Variants in EXTL3 observed in about 807,000 individuals in gnomAD.
EXTL3 encodes exostosin-like 3.
EXTL3 carries 27 observed loss-of-function variants against 69.3 expected under a neutral mutation model. The ratio of observed to expected loss-of-function variants is 0.39; its 90% CI spans 0.29 to 0.54. EXTL3 has a LOEUF of 0.54. Ranked by LOEUF, EXTL3 falls within the 20% of genes least tolerant of loss-of-function variation. The probability of loss-of-function intolerance (pLI) is 0.69; values close to 1 mark genes in which losing one functional copy is unlikely to be tolerated. For synonymous variants in EXTL3, 511 were observed against 499.4 expected (o/e 1.02, Z -0.31); for missense variants, 1,003 against 1,231.8 (o/e 0.81, Z 2.78).
intron 6 of EXTL3, among the ~76,000 whole-genome samples, chr8:28,747,728 C>CTTTT (rs71549697): frequency 4.8e-5 from 6 of 124,736 alleles, no homozygotes; most frequent in Non-Finnish European, 5.0e-5. Flanking sequence ...TTTTCTTTTT[C>CTTTT]TTTTTTTTTT....
chr8:28,718,428 G>C (rs1039780262), intron 3 of EXTL3, among the ~76,000 whole-genome samples: 6 of 152,062 alleles, frequency 3.9e-5, no homozygotes, highest in African/African-American at 1.2e-4. Flanking sequence ...CTAAATCGAG[G>C]ATCCCCAAAA....
intron 1 of EXTL3, among the ~76,000 whole-genome samples, chr8:28,702,565 A>T (rs887652663): frequency 1.9e-5 from 1 of 53,694 alleles, no homozygotes; most frequent in Non-Finnish European, 4.1e-5. Context: ...CTCCCCCGCC[A>T]CCCGCACCAC....
chr8:28,735,633 T>A (rs2130780505), intron 4 of EXTL3, among the ~76,000 whole-genome samples: 1 of 152,336 alleles, frequency 6.6e-6, no homozygotes, highest in Non-Finnish European at 1.5e-5. Context: ...ATCTAAAACC[T>A]TTCTCTTATT....
At chr8:28,745,064 G>A (rs1041545167) in intron 6 of EXTL3, among the ~76,000 whole-genome samples, 2 of 152,120 alleles carry the variant, frequency 1.3e-5, no homozygotes, top group Non-Finnish European at 2.9e-5. Context: ...GGGTGTAGTG[G>A]CACATGCCTG....
At chr8:28,726,349 C>G (rs1450416087) in intron 3 of EXTL3, among the ~76,000 whole-genome samples, 1 of 152,188 alleles carries the variant, frequency 6.6e-6, no homozygotes, top group Non-Finnish European at 1.5e-5. Context: ...CCATTAAGCA[C>G]TGCAGCTTTG....
intron 1 of EXTL3, among the ~76,000 whole-genome samples, chr8:28,669,856 C>G (rs1360588200): frequency 6.6e-6 from 1 of 152,138 alleles, no homozygotes; most frequent in Non-Finnish European, 1.5e-5. Context: ...CTGAAATCAC[C>G]ACTGAGTCAT....
chr8:28,729,562 C>T lies in EXTL3; in HGVS notation c.2149-1661C>T, dbSNP rs552352599. ...AGTGAGCCAAGATTGCGCGACTGCA[C>T]TCCAGCCTGGGTGACAGAGTGAGAC... On this transcript the variant is annotated intron_variant, in intron 3 of 6. Transcript: ENST00000220562. 5.7e-4 allele frequency among the ~76,000 whole-genome samples: 76 copies of T among 133,710 alleles called. 3 individuals are homozygous for T. In the South Asian group the frequency reaches 0.016, roughly 29 times the overall value. The allele number at this position is 133,710 out of a possible 152,430, so 87.7% of individuals were successfully genotyped here. A position where few individuals can be genotyped will look rare whatever the true frequency, so the allele number is the denominator to read the frequency against.
intron 1 of EXTL3, among the ~76,000 whole-genome samples, chr8:28,654,772 C>A (rs1262441818): frequency 6.6e-6 from 1 of 151,906 alleles, no homozygotes; most frequent in Non-Finnish European, 1.5e-5. Context: ...TTTTTCATAC[C>A]CCAATTTTGT....
intron 5 of EXTL3, chr8:28,742,748 G>C: frequency 4.5e-6 from 1 of 219,974 alleles, no homozygotes; most frequent in East Asian, 1.2e-4. Flanking sequence ...TTTTTTTTTG[G>C]CCATTGTTAG....
chr8:28,627,099 G>A (rs983623911), intron 1 of EXTL3, among the ~76,000 whole-genome samples: 7 of 151,720 alleles, frequency 4.6e-5, no homozygotes, highest in Admixed American at 3.3e-4. Flanking sequence ...GGAGAATGGC[G>A]TGAACCCAGG....
chr8:28,695,603 A>G (rs1336023294), intron 1 of EXTL3, among the ~76,000 whole-genome samples: 1 of 152,182 alleles, frequency 6.6e-6, no homozygotes. Flanking sequence ...CACTGTGCAC[A>G]TGCCCAGAAA....
At chr8:28,725,459 ATTCT>A (rs1342591987) in intron 3 of EXTL3, among the ~76,000 whole-genome samples, 1 of 152,218 alleles carries the variant, frequency 6.6e-6, no homozygotes, top group Non-Finnish European at 1.5e-5. Context: ...CCTCTCTATC[ATTCT>A]TTAAGATTAT....
chr8:28,680,660 C>A (rs1235489240), intron 1 of EXTL3, among the ~76,000 whole-genome samples: 2 of 152,140 alleles, frequency 1.3e-5, no homozygotes, highest in African/African-American at 4.8e-5. Context: ...TACAGCAGAT[C>A]TCCGGAACTA....
intron 1 of EXTL3, among the ~76,000 whole-genome samples, chr8:28,679,338 C>T (rs1585247023): frequency 1.3e-5 from 2 of 152,008 alleles, no homozygotes; most frequent in African/African-American, 2.4e-5. Flanking sequence ...CCCAGCTACT[C>T]GGGAGGCTAA....
intron 5 of EXTL3, chr8:28,740,627 G>A (rs1801755284): frequency 6.6e-6 from 1 of 152,142 alleles, no homozygotes; most frequent in Non-Finnish European, 1.5e-5. Flanking sequence ...CTTGGTCCAC[G>A]AAAGCAGTTA....
intron 1 of EXTL3, among the ~76,000 whole-genome samples, chr8:28,689,413 A>C (rs7843914): frequency 0.021 from 3,164 of 152,176 alleles, 103 homozygotes; most frequent in African/African-American, 0.073. Flanking sequence ...CCTCTCCTCC[A>C]GTCCCCATGT....
intron 1 of EXTL3, among the ~76,000 whole-genome samples, chr8:28,624,071 T>C (rs1313915977): frequency 6.6e-6 from 1 of 152,218 alleles, no homozygotes; most frequent in Non-Finnish European, 1.5e-5. Flanking sequence ...CCAATTGTTC[T>C]CACCTTACCT....
intron 1 of EXTL3, among the ~76,000 whole-genome samples, chr8:28,674,191 C>A (rs1807342733): frequency 1.3e-5 from 2 of 152,130 alleles, no homozygotes; most frequent in African/African-American, 2.4e-5. Context: ...GTGATCCTCC[C>A]ACATCAGCTT....
At chr8:28,676,521 A>G (rs1585245483) in intron 1 of EXTL3, among the ~76,000 whole-genome samples, 1 of 152,232 alleles carries the variant, frequency 6.6e-6, no homozygotes, top group Admixed American at 6.5e-5. Context: ...ACTGTGCAAC[A>G]TTTTGGTAAA....
Sources: gnomAD v4.1 joint callset for allele counts (sites outside exome capture counted in the v4.1 genomes callset) on GRCh38, gnomAD v4.1.1 for gene constraint, MANE v1.5 for transcripts, NCBI Gene and HGNC (gene_info 2026-07-23, HGNC 2026-07-21) for gene names.